The following CDKL4 variants were observed in gnomAD, a reference collection of about 807,000 sequenced individuals.
CDKL4 encodes cyclin-dependent kinase-like 4.
Under a neutral mutation model 42.0 loss-of-function variants are expected in CDKL4, and 44 were observed. The ratio of observed to expected loss-of-function variants is 1.05; its 90% confidence interval spans 0.82 to 1.35. The LOEUF (loss-of-function observed/expected upper bound fraction) is 1.35. Ranked by LOEUF, CDKL4 falls within the 40% of genes most tolerant of loss-of-function variation. The pLI is 0.00. For missense variants in CDKL4, 393 were observed against 369.9 expected (o/e 1.06, Z -0.51); for synonymous variants, 120 against 121.6 (o/e 0.99, Z 0.09).
At chr2:39,175,488 C>A (rs1487199355), downstream of CDKL4, among the ~76,000 whole-genome samples, 1 of 152,196 alleles carries the variant, frequency 6.6e-6, no homozygotes, top group African/African-American at 2.4e-5. Context: ...AACGACCTTT[C>A]AAGGTTCCCT....
intron 4 of CDKL4, among the ~76,000 whole-genome samples, chr2:39,207,139 G>A (rs540432647): frequency 1.3e-5 from 2 of 152,100 alleles, no homozygotes; most frequent in African/African-American, 2.4e-5. Context: ...TAATACTTGC[G>A]CTTTGGGAGG....
intron 3 of CDKL4, among the ~76,000 whole-genome samples, chr2:39,216,836 A>G (rs1451775726): frequency 6.6e-6 from 1 of 152,204 alleles, no homozygotes. Context: ...TGGAGAATGA[A>G]GTAATTTCAT....
chr2:39,246,189 T>C (rs1023115298), upstream of CDKL4, among the ~76,000 whole-genome samples: 1 of 152,208 alleles, frequency 6.6e-6, no homozygotes, highest in East Asian at 1.9e-4. Context: ...CTCATTTCTT[T>C]TCCACTTCTT....
downstream of CDKL4, among the ~76,000 whole-genome samples, chr2:39,175,295 G>C (rs1019120421): frequency 1.3e-5 from 2 of 152,192 alleles, no homozygotes; most frequent in Non-Finnish European, 2.9e-5. Flanking sequence ...ATATAGCAAA[G>C]GACAGCAGTC....
chr2:39,212,807 G>A (rs1006645673), intron 4 of CDKL4, among the ~76,000 whole-genome samples: 3 of 151,890 alleles, frequency 2.0e-5, no homozygotes, highest in East Asian at 1.9e-4. Flanking sequence ...TTACAGGTGC[G>A]CACCACCATG....
At chr2:39,184,748 A>T (rs1284833192) in intron 7 of CDKL4, 101 bp from the exon 8 acceptor site, 1 of 668,394 alleles carries the variant, frequency 1.5e-6, no homozygotes, top group Non-Finnish European at 2.6e-6. Context: ...GTGTGTGTGT[A>T]TTTAGAGATA....
chr2:39,214,760 C>T (rs1019102883), intron 3 of CDKL4, among the ~76,000 whole-genome samples: 3 of 152,020 alleles, frequency 2.0e-5, no homozygotes, highest in Non-Finnish European at 4.4e-5. Flanking sequence ...GTTACTTGTC[C>T]CTGTAAGCAG....
chr2:39,224,870 G>T (rs1177051105), intron 3 of CDKL4, among the ~76,000 whole-genome samples: 1 of 152,168 alleles, frequency 6.6e-6, no homozygotes, highest in Non-Finnish European at 1.5e-5. Flanking sequence ...TGTTATAGGG[G>T]TCGCTGTACT....
chr2:39,178,974 T>G (rs969326061), intron 9 of CDKL4: 1 of 1,438,088 alleles, frequency 7.0e-7, no homozygotes, highest in Non-Finnish European at 9.1e-7. Context: ...GATTCAGGTG[T>G]GTTTGGAATA....
At chr2:39,207,622 T>C (rs1476499556) in intron 4 of CDKL4, among the ~76,000 whole-genome samples, 1 of 152,212 alleles carries the variant, frequency 6.6e-6, no homozygotes, top group Non-Finnish European at 1.5e-5. Context: ...CATTGGCCTA[T>C]ACATATGTTT....
chr2:39,188,933 T>C (rs1676006529), intron 6 of CDKL4, among the ~76,000 whole-genome samples: 2 of 152,170 alleles, frequency 1.3e-5, no homozygotes, highest in African/African-American at 4.8e-5. Flanking sequence ...AAATCCCCAT[T>C]GTGCCAATGA....
At chr2:39,178,826 T>C (rs1572935636) in intron 9 of CDKL4, 5 of 1,529,458 alleles carry the variant, frequency 3.3e-6, no homozygotes, top group East Asian at 4.9e-5. Flanking sequence ...AGAAAGGCAC[T>C]TGGATTCCTT....
intron 1 of CDKL4, among the ~76,000 whole-genome samples, chr2:39,239,128 A>T (rs1679519367): frequency 6.6e-6 from 1 of 152,236 alleles, no homozygotes; most frequent in African/African-American, 2.4e-5. Flanking sequence ...TACTAGGACC[A>T]TTGGATATCC....
upstream of CDKL4, among the ~76,000 whole-genome samples, chr2:39,244,071 G>A (rs575319497): frequency 1.5e-4 from 23 of 152,284 alleles, no homozygotes; most frequent in African/African-American, 2.9e-4. Context: ...CCTGGCGCTG[G>A]CAGCCCCAGC....
At chr2:39,199,361 G>GA (rs901190934) in intron 5 of CDKL4, among the ~76,000 whole-genome samples, 37 of 151,686 alleles carry the variant, frequency 2.4e-4, no homozygotes, top group African/African-American at 8.9e-4. Flanking sequence ...AGTTACCAAT[G>GA]AAAAAAAGTC....
intron 9 of CDKL4, 69 bp downstream of exon 9, chr2:39,179,118 T>C: frequency 6.4e-7 from 1 of 1,557,590 alleles, no homozygotes. Flanking sequence ...TGTCTCACTT[T>C]GAAAGGCAGA....
rs1454268247 is a variant in CDKL4, at chr2:39,210,149, C to A, written c.363+3251G>T. On this transcript the variant is annotated intron_variant, in intron 4 of 9. Transcript: ENST00000451199. ...GGGATTACAGGCATGCATTGCCATG[C>A]CCGGCTAATTTTTGTATTTTTAGTA... Among the ~76,000 whole-genome samples the A allele has an allele frequency of 2.6e-5, 4 of 152,056 alleles. No individual in the cohort carries two copies. In the South Asian group the frequency reaches 8.3e-4, roughly 32 times the overall value.
At chr2:39,211,401 T>C (rs1677580709) in intron 4 of CDKL4, among the ~76,000 whole-genome samples, 1 of 151,972 alleles carries the variant, frequency 6.6e-6, no homozygotes, top group African/African-American at 2.4e-5. Context: ...TATAATGATA[T>C]ATAGCAAAGG....
At chr2:39,241,042 G>C (rs1220897196) in intron 1 of CDKL4, among the ~76,000 whole-genome samples, 4 of 152,190 alleles carry the variant, frequency 2.6e-5, no homozygotes, top group African/African-American at 4.8e-5. Context: ...CTGGATCCTG[G>C]ACTGGTGAAC....
Sources: gnomAD v4.1 joint callset for allele counts (sites outside exome capture counted in the v4.1 genomes callset) on GRCh38, gnomAD v4.1.1 for gene constraint, MANE v1.5 for transcripts, NCBI Gene and HGNC (gene_info 2026-07-23, HGNC 2026-07-21) for gene names.